ABCA6: variants seen among roughly 807,000 people sequenced by gnomAD.
The protein encoded by ABCA6 is ATP binding cassette subfamily A member 6.
A neutral mutation model predicts 191.2 loss-of-function variants in ABCA6; 164 were observed. That is an observed-to-expected ratio of 0.86 (90% CI 0.76 to 0.98). The LOEUF (loss-of-function observed/expected upper bound fraction) is 0.98. Ranked by LOEUF, ABCA6 falls within the 50% of genes least tolerant of loss-of-function variation. The pLI, the probability that ABCA6 is intolerant of heterozygous loss-of-function variation, is 0.00. For missense variants in ABCA6, 1,958 were observed against 1,894.1 expected (o/e 1.03, Z -0.63); for synonymous variants, 636 against 647.7 (o/e 0.98, Z 0.27).
intron 10 of ABCA6, among the ~76,000 whole-genome samples, chr17:69,120,142 T>C (rs1384278492): frequency 6.6e-6 from 1 of 152,020 alleles, no homozygotes; most frequent in African/African-American, 2.4e-5. Context: ...GAATGGAAAG[T>C]GATAACACCA....
intron 2 of ABCA6, 98 bp from the exon 3 acceptor site, chr17:69,137,598 G>C (rs1051323741): frequency 5.3e-6 from 6 of 1,136,794 alleles, no homozygotes; most frequent in Non-Finnish European, 7.5e-6. Context: ...TTCCAATTGT[G>C]CTATACAGTT....
chr17:69,123,759 A>G (rs180936969), intron 9 of ABCA6, among the ~76,000 whole-genome samples: 268 of 152,248 alleles, frequency 1.8e-3, no homozygotes, highest in Non-Finnish European at 3.4e-3. Context: ...ACATTAGTAC[A>G]GATCTTAGAG....
chr17:69,129,142 CA>C (rs1178759499), intron 7 of ABCA6, among the ~76,000 whole-genome samples: 1 of 151,998 alleles, frequency 6.6e-6, no homozygotes, highest in Non-Finnish European at 1.5e-5. Context: ...ATACTTTCTG[CA>C]GAAAACAACC....
rs2072555352 is a variant in ABCA6, at chr17:69,078,870, C to A, written c.*103G>T. 3.1e-6 allele frequency: 2 copies of A among 647,900 alleles called. No individual in the cohort carries two copies. Among genetic ancestry groups the A allele is most frequent in the Admixed American group, 3.7e-5 (1 of 27,302 alleles). 40.1% of individuals were successfully genotyped at this position (647,900 alleles called of 1,614,324 possible). ...TGTTAACTAAATTTACAAAATATAC[C>A]TGATGTTAATTTTAAATGATCTTTA... is the stretch of plus-strand genomic sequence containing the variant. On this transcript the variant is annotated 3_prime_UTR_variant, in exon 39 of 39. Coordinates refer to ENST00000284425, the MANE Select transcript of ABCA6 (RefSeq NM_080284.3).
intron 3 of ABCA6, 34 bp downstream of exon 3, chr17:69,137,262 T>C: frequency 6.3e-7 from 1 of 1,583,592 alleles, no homozygotes. Context: ...TAGACATCTA[T>C]CAGTAACTCT....
chr17:69,139,988 C>A (rs1040319934), intron 2 of ABCA6, among the ~76,000 whole-genome samples: 1 of 150,700 alleles, frequency 6.6e-6, no homozygotes. Flanking sequence ...AGGAGATATA[C>A]CTAATGCTAA....
In ABCA6 at chr17:69,096,766, G is replaced by A. The variant is rs574188887; in HGVS notation, c.3156C>T (p.Leu1052=). 6.4e-7 allele frequency: 1 copy of A among 1,556,544 alleles called. No individual in the cohort carries two copies. Among genetic ancestry groups the A allele is most frequent in the East Asian group, 2.3e-5 (1 of 42,560 alleles). Residue 1052 remains leucine, a synonymous_variant, in exon 24 of 39, where the codon CTC becomes CTT. Transcript: ENST00000284425. The part of the protein sequence containing the change: ...NAKSQLWISG[L]YTSAYWCGQA... ...GCCCACACCAGTAAGCAGAAGTGTA[G>A]AGGCCTGAAATCCATAGCTGGGACT...
chr17:69,110,816 T>A lies in ABCA6; in HGVS notation c.2257A>T (p.Thr753Ser). 6.2e-7 allele frequency: 1 copy of A among 1,608,332 alleles called. No individual in the cohort carries two copies. Among genetic ancestry groups the A allele is most frequent in the Non-Finnish European group, 8.5e-7 (1 of 1,177,546 alleles). ...GTTGAGTTACCTGGAAATGTATTTG[T>A]CCTTTCCAGTGGCAAAGTATATACA... is the stretch of plus-strand genomic sequence containing the variant. ...KLVYTLPLER[T>S]NTFPDLFSDL... Residue 753 changes from threonine to serine, a missense_variant, in exon 17 of 39, where the codon ACA (threonine) becomes TCA (serine). Thr to Ser is a moderately conservative substitution (Grantham distance 58, BLOSUM62 1). Transcript: ENST00000284425.
chr17:69,140,579 C>T lies in ABCA6; in HGVS notation c.96+29G>A, dbSNP rs767775426. 63 of 1,464,230 alleles carry T rather than the reference C, an allele frequency of 4.3e-5. 1 individual carries two copies. The highest frequency in any genetic ancestry group is 3.6e-4 in the South Asian group (29 of 80,670). The allele number at this position is 1,464,230 out of a possible 1,614,324, so 90.7% of individuals were successfully genotyped here. A position where few individuals can be genotyped will look rare whatever the true frequency, so the allele number is the denominator to read the frequency against. On this transcript the variant is annotated intron_variant, in intron 2 of 38. Transcript: ENST00000284425. ...AATGAAACACTGTAAGAGTGCTAAC[C>T]GTGGAAAGAGACAAATTTTTAAACA... is the stretch of plus-strand genomic sequence containing the variant.
intron 23 of ABCA6, 98 bp downstream of exon 23, chr17:69,097,822 C>G (rs958704126): frequency 2.6e-6 from 2 of 779,076 alleles, no homozygotes; most frequent in African/African-American, 3.6e-5. Flanking sequence ...AACATACATT[C>G]AAATGTTTTT....
In ABCA6 at chr17:69,080,781, C is replaced by T. The variant is rs148458049; in HGVS notation, c.4696+285G>A. Among the ~76,000 whole-genome samples the T allele has an allele frequency of 1.8e-4, 27 of 152,282 alleles. 1 individual carries two copies. The East Asian group carries it at 5.0e-3, about 28-fold the overall frequency. On this transcript the variant is annotated intron_variant, in intron 37 of 38. Transcript: ENST00000284425. Reference sequence around the variant, plus strand: ...ATATACATGTAGGCAAAGCAGGCCACACAGAGGGGCTTTTAGAGGGGGATG... The same window carrying T: ...ATATACATGTAGGCAAAGCAGGCCATACAGAGGGGCTTTTAGAGGGGGATG...
chr17:69,107,090 A>G lies in ABCA6; in HGVS notation c.2389+606T>C, dbSNP rs182154562. 1.4e-4 allele frequency among the ~76,000 whole-genome samples: 21 copies of G among 152,306 alleles called. No individual in the cohort carries two copies. The South Asian group carries it at 1.4e-3, about 11-fold the overall frequency. On this transcript the variant is annotated intron_variant, in intron 18 of 38. Coordinates refer to ENST00000284425, the MANE Select transcript of ABCA6 (RefSeq NM_080284.3). The stretch of plus-strand genomic sequence containing the variant: ...TCTGAACTACCAGATCTGTACATGT[A>G]TCTTACATCTGTGATTGGGGAAAAT...
chr17:69,118,043 GCAGCCA>G, intron 10 of ABCA6, 87 bp from the exon 11 acceptor site: 1 of 838,064 alleles, frequency 1.2e-6, no homozygotes, highest in Non-Finnish European at 1.9e-6. Flanking sequence ...AGTGATAACT[GCAGCCA>G]ACCACTTTAT....
rs548692784 is a variant in ABCA6 at position 69,085,932 on chromosome 17, A to G, written c.3938-216T>C. Reference sequence around the variant, plus strand: ...AAGCTAATGAATTTGATGTCAATACATCTGTCCTTTTCCCCCCAGATTACT... The same window carrying G: ...AAGCTAATGAATTTGATGTCAATACGTCTGTCCTTTTCCCCCCAGATTACT... On this transcript the variant is annotated intron_variant, in intron 30 of 38. Coordinates refer to ENST00000284425, the MANE Select transcript of ABCA6 (RefSeq NM_080284.3). 1.3e-5 allele frequency among the ~76,000 whole-genome samples: 2 copies of G among 152,306 alleles called. 1 individual carries two copies. Among genetic ancestry groups the G allele is most frequent in the South Asian group, 4.1e-4 (2 of 4,822 alleles).
chr17:69,087,280 A>G (rs1329275020), intron 29 of ABCA6, 73 bp downstream of exon 29: 1 of 1,563,654 alleles, frequency 6.4e-7, no homozygotes, highest in Non-Finnish European at 8.7e-7. Context: ...AATGAAACCC[A>G]GTGTATCAAA....
At chr17:69,091,011 C>G (rs1011334310) in intron 26 of ABCA6, 132 bp downstream of exon 26, 2 of 843,102 alleles carry the variant, frequency 2.4e-6, no homozygotes, top group Non-Finnish European at 3.5e-6. Context: ...TTTTCATCAT[C>G]CCCCCAAAAT....
At chr17:69,079,529 A>G (rs938779887) in intron 37 of ABCA6, among the ~76,000 whole-genome samples, 2 of 152,212 alleles carry the variant, frequency 1.3e-5, no homozygotes, top group African/African-American at 2.4e-5. Flanking sequence ...GAAGATACAT[A>G]TGTTCTTTGA....
chr17:69,087,014 C>T (rs749101495), intron 29 of ABCA6, among the ~76,000 whole-genome samples: 11 of 152,186 alleles, frequency 7.2e-5, no homozygotes, highest in Non-Finnish European at 1.6e-4. Context: ...AAATCTTAAT[C>T]TCTATTTAGC....
intron 9 of ABCA6, among the ~76,000 whole-genome samples, chr17:69,124,620 C>T (rs1186785243): frequency 6.6e-6 from 1 of 151,890 alleles, no homozygotes; most frequent in South Asian, 2.1e-4. Flanking sequence ...GAAAACCTAA[C>T]ATTATTTAAT....
Sources: allele counts gnomAD v4.1 joint callset (sites outside exome capture counted in the v4.1 genomes callset), GRCh38; gene constraint gnomAD v4.1.1; transcripts MANE v1.5; gene names NCBI Gene and HGNC (gene_info 2026-07-23, HGNC 2026-07-21).